Variants in MYO10 observed in about 807,000 individuals in gnomAD.
MYO10 encodes the protein unconventional myosin-X.
Under a neutral mutation model 257.3 loss-of-function variants are expected in MYO10, and 133 were observed. The observed-to-expected ratio is 0.52, with a 90% CI of 0.45 to 0.60. MYO10 has a LOEUF of 0.60. MYO10 is among the 20% of genes least tolerant of loss of function. The probability of loss-of-function intolerance (pLI) is 0.00; values close to 1 mark genes in which losing one functional copy is unlikely to be tolerated. For missense variants in MYO10, 2,399 were observed against 2,635.7 expected (o/e 0.91, Z 1.97); for synonymous variants, 1,104 against 1,028.6 (o/e 1.07, Z -1.40).
At chr5:16,745,065 C>T (rs1276788234) in intron 19 of MYO10, among the ~76,000 whole-genome samples, 2 of 152,216 alleles carry the variant, frequency 1.3e-5, no homozygotes, top group Admixed American at 6.5e-5. Context: ...CCAGGCCGGG[C>T]GCGGTAGCTC....
At chr5:16,748,537 T>A (rs1484470285) in intron 19 of MYO10, among the ~76,000 whole-genome samples, 2 of 126,696 alleles carry the variant, frequency 1.6e-5, no homozygotes, top group Non-Finnish European at 3.2e-5. Context: ...ATTACAGGTG[T>A]GAGCCATTGC....
In MYO10 at chr5:16,662,314, C is replaced by CTTTTTTTTTTTTTTTTTTTTTTTTTT. The variant is rs1199270809; in HGVS notation, c.*4377_*4378insAAAAAAAAAAAAAAAAAAAAAAAAAA. On this transcript the variant is annotated 3_prime_UTR_variant, in exon 41 of 41. Coordinates refer to ENST00000513610, the MANE Select transcript of MYO10 (RefSeq NM_012334.3). ...AAAAGTGCTGTCTTAGATTTCTGAA[C>CTTTTTTTTTTTTTTTTTTTTTTTTTT]TATTTTTTTTTTTTTTTTTTTTTTT... 1.8e-4 allele frequency: 7 copies of CTTTTTTTTTTTTTTTTTTTTTTTTTT among 39,648 alleles called. No individual in the cohort carries two copies. The highest frequency in any genetic ancestry group is 2.9e-4 in the Non-Finnish European group (6 of 20,936). The allele number at this position is 39,648 out of a possible 1,614,324, so 2.5% of individuals were successfully genotyped here. A position where few individuals can be genotyped will look rare whatever the true frequency, so the allele number is the denominator to read the frequency against.
At chr5:16,677,235 T>A (rs1053567940) in intron 33 of MYO10, among the ~76,000 whole-genome samples, 1 of 152,116 alleles carries the variant, frequency 6.6e-6, no homozygotes, top group Non-Finnish European at 1.5e-5. Flanking sequence ...TTCAGTAATA[T>A]CCAATTGAAG....
intron 1 of MYO10, 104 bp downstream of exon 1, chr5:16,935,684 C>T (rs137989934): frequency 2.2e-6 from 3 of 1,388,184 alleles, no homozygotes; most frequent in Non-Finnish European, 3.0e-6. Flanking sequence ...CAGAAAGTTG[C>T]GCCTTCCAGG....
chr5:16,901,899 G>A (rs1475944620), intron 1 of MYO10, among the ~76,000 whole-genome samples: 1 of 152,188 alleles, frequency 6.6e-6, no homozygotes, highest in Non-Finnish European at 1.5e-5. Context: ...TTTCCACACA[G>A]AAATGAGTTC....
chr5:16,933,716 G>A (rs1463444933), intron 1 of MYO10, among the ~76,000 whole-genome samples: 1 of 152,166 alleles, frequency 6.6e-6, no homozygotes, highest in African/African-American at 2.4e-5. Context: ...AGAGAAAGGG[G>A]AGCTGGGATC....
chr5:16,891,228 G>A (rs2126774324), intron 1 of MYO10, among the ~76,000 whole-genome samples: 1 of 151,820 alleles, frequency 6.6e-6, no homozygotes, highest in South Asian at 2.1e-4. Context: ...TCAGGAGGCA[G>A]AGGTTGCAGG....
At chr5:16,922,256 G>GA (rs1397230846) in intron 1 of MYO10, among the ~76,000 whole-genome samples, 1 of 151,560 alleles carries the variant, frequency 6.6e-6, no homozygotes, top group Non-Finnish European at 1.5e-5. Context: ...CAGAAGATCT[G>GA]AAAAAAGGGC....
chr5:16,682,956 G>A (rs541885295), intron 30 of MYO10, among the ~76,000 whole-genome samples: 3 of 152,056 alleles, frequency 2.0e-5, no homozygotes, highest in African/African-American at 7.2e-5. Context: ...ATGTGGAGAA[G>A]GTAAGGTAGA....
intron 1 of MYO10, among the ~76,000 whole-genome samples, chr5:16,888,494 C>T (rs891885966): frequency 5.9e-5 from 9 of 151,824 alleles, no homozygotes; most frequent in African/African-American, 2.2e-4. Flanking sequence ...ACTCAGGAGG[C>T]TGAGGCAGGA....
At chr5:16,842,343 G>A (rs1436579300) in intron 2 of MYO10, among the ~76,000 whole-genome samples, 1 of 152,132 alleles carries the variant, frequency 6.6e-6, no homozygotes, top group Non-Finnish European at 1.5e-5. Context: ...AGCCAGTCAA[G>A]TGAAGAGCAG....
intron 3 of MYO10, among the ~76,000 whole-genome samples, chr5:16,796,592 AG>A (rs1226914174): frequency 5.3e-5 from 8 of 152,202 alleles, no homozygotes; most frequent in Admixed American, 4.6e-4. Context: ...CTACTTTTAC[AG>A]GAAATACTAA....
intron 1 of MYO10, among the ~76,000 whole-genome samples, chr5:16,924,253 G>A (rs908782455): frequency 1.2e-4 from 19 of 152,150 alleles, no homozygotes; most frequent in African/African-American, 3.6e-4. Context: ...CAAGAGCCTT[G>A]TTTGCAATTA....
chr5:16,900,635 C>T (rs1374334291), intron 1 of MYO10, among the ~76,000 whole-genome samples: 2 of 152,096 alleles, frequency 1.3e-5, no homozygotes, highest in East Asian at 3.9e-4. Flanking sequence ...CACCACCTCC[C>T]AGGTCCAATT....
chr5:16,782,092 G>A (rs1027333287), intron 5 of MYO10, among the ~76,000 whole-genome samples: 1 of 152,172 alleles, frequency 6.6e-6, no homozygotes, highest in African/African-American at 2.4e-5. Flanking sequence ...GCTCGTTCCT[G>A]CACCAGTGAG....
intron 1 of MYO10, among the ~76,000 whole-genome samples, chr5:16,934,178 A>ACAGGAGAT (rs1328625146): frequency 2.0e-5 from 3 of 152,264 alleles, no homozygotes; most frequent in Admixed American, 2.0e-4. Flanking sequence ...TCACCGGGTA[A>ACAGGAGAT]CAGGAGATCA....
chr5:16,755,247 G>A (rs1740494546), intron 18 of MYO10, among the ~76,000 whole-genome samples: 1 of 152,294 alleles, frequency 6.6e-6, no homozygotes, highest in Non-Finnish European at 1.5e-5. Flanking sequence ...CTCACTGCAA[G>A]CTCCGCCTCC....
chr5:16,693,274 C>T (rs1458506083), intron 27 of MYO10, among the ~76,000 whole-genome samples: 1 of 152,136 alleles, frequency 6.6e-6, no homozygotes, highest in Non-Finnish European at 1.5e-5. Flanking sequence ...GTCAGTCAAT[C>T]AATTGATCTA....
chr5:16,777,654 C>G (rs914447783), intron 9 of MYO10, among the ~76,000 whole-genome samples: 6 of 151,992 alleles, frequency 3.9e-5, no homozygotes, highest in African/African-American at 1.5e-4. Context: ...TAAGGTTAGG[C>G]TGGTCACTAA....
Sources: gnomAD v4.1 joint callset for allele counts (sites outside exome capture counted in the v4.1 genomes callset) on GRCh38, gnomAD v4.1.1 for gene constraint, MANE v1.5 for transcripts, NCBI Gene and HGNC (gene_info 2026-07-23, HGNC 2026-07-21) for gene names.